CFAP206: variants seen among roughly 807,000 people sequenced by gnomAD.
CFAP206 encodes the protein cilia and flagella associated protein 206, also known as cilia- and flagella-associated protein 206.
In CFAP206, 53 loss-of-function variants were observed where a neutral mutation model predicts 65.4. The observed-to-expected ratio is 0.81, with a 90% CI of 0.65 to 1.02. CFAP206 has a LOEUF of 1.02. Ranked by LOEUF, CFAP206 falls within the 50% of genes least tolerant of loss-of-function variation. The pLI is 0.00. For missense variants in CFAP206, 663 were observed against 753.2 expected, an observed-to-expected ratio of 0.88 and a Z score of 1.40; for synonymous variants, 250 against 254.4, an observed-to-expected ratio of 0.98 and a Z score of 0.17.
intron 7 of CFAP206, 138 bp downstream of exon 7, chr6:87,418,554 G>A: frequency 1.5e-6 from 1 of 666,116 alleles, no homozygotes; most frequent in Non-Finnish European, 2.6e-6. Context: ...GGTAGAGTTA[G>A]GAATCAAAAT....
intron 12 of CFAP206, 149 bp downstream of exon 12, chr6:87,461,314 A>G: frequency 2.0e-6 from 1 of 507,366 alleles, no homozygotes; most frequent in East Asian, 3.6e-5. Flanking sequence ...ATAACTTGCT[A>G]GGTTTACATT....
At chr6:87,462,729 A>T (rs1768767715) in intron 12 of CFAP206, among the ~76,000 whole-genome samples, 1 of 152,136 alleles carries the variant, frequency 6.6e-6, no homozygotes, top group Non-Finnish European at 1.5e-5. Flanking sequence ...AGAATGGGGT[A>T]TTCAGGGGTC....
chr6:87,433,807 G>A (rs1768202961), intron 10 of CFAP206, among the ~76,000 whole-genome samples: 1 of 152,074 alleles, frequency 6.6e-6, no homozygotes, highest in Non-Finnish European at 1.5e-5. Flanking sequence ...TGTTAAAAAT[G>A]GAGTGGAAGG....
chr6:87,443,847 C>T (rs1307106945), intron 11 of CFAP206, among the ~76,000 whole-genome samples: 1 of 152,078 alleles, frequency 6.6e-6, no homozygotes, highest in African/African-American at 2.4e-5. Flanking sequence ...CAGTGTTTAG[C>T]TCCTACTTAT....
At chr6:87,452,511 T>A (rs1029607468) in intron 11 of CFAP206, among the ~76,000 whole-genome samples, 1 of 151,876 alleles carries the variant, frequency 6.6e-6, no homozygotes, top group Non-Finnish European at 1.5e-5. Context: ...AATTCTGGAG[T>A]GACAGAGATA....
At position 87,416,449 on chromosome 6, in the gene CFAP206, T is replaced by G. The variant is rs113318218; in HGVS notation, c.473-220T>G. Among the ~76,000 whole-genome samples, 1,119 of 152,296 alleles carry G rather than the reference T, an allele frequency of 7.3e-3. 21 individuals carry two copies. Among genetic ancestry groups the G allele is most frequent in the African/African-American group, 0.026 (1,063 of 41,566 alleles). On this transcript the variant is annotated intron_variant, in intron 5 of 12. Coordinates refer to ENST00000369562, the MANE Select transcript of CFAP206 (RefSeq NM_001031743.3). ...CAAAAAGTTACTGCTGGATGCTTAA[T>G]TATTAAAAATGGACATGAGGCAATG...
intron 4 of CFAP206, among the ~76,000 whole-genome samples, chr6:87,415,006 T>C (rs1463961889): frequency 1.3e-5 from 2 of 152,132 alleles, no homozygotes; most frequent in Non-Finnish European, 2.9e-5. Flanking sequence ...TTATTGACCT[T>C]GTAATAGTAA....
intron 7 of CFAP206, among the ~76,000 whole-genome samples, chr6:87,425,530 G>A (rs1768024848): frequency 6.6e-6 from 1 of 152,074 alleles, no homozygotes; most frequent in Non-Finnish European, 1.5e-5. Flanking sequence ...GGAAATAAAT[G>A]GTTTACAAGG....
chr6:87,439,850 ACTCT>A (rs988549605), intron 11 of CFAP206, among the ~76,000 whole-genome samples: 6 of 151,808 alleles, frequency 4.0e-5, no homozygotes, highest in African/African-American at 1.2e-4. Context: ...TTAGTTTTGC[ACTCT>A]CTATTATGTT....
chr6:87,450,343 C>A (rs1473435862), intron 11 of CFAP206, among the ~76,000 whole-genome samples: 1 of 151,916 alleles, frequency 6.6e-6, no homozygotes, highest in Non-Finnish European at 1.5e-5. Context: ...TTTTCTATTT[C>A]TTGAAGAATG....
intron 2 of CFAP206, 132 bp from the exon 3 acceptor site, chr6:87,410,453 T>C: frequency 1.4e-6 from 1 of 727,030 alleles, no homozygotes; most frequent in East Asian, 2.7e-5. Context: ...AGAAGAATAG[T>C]TGGAAAACCA....
At chr6:87,457,187 A>G (rs1341868738) in intron 11 of CFAP206, among the ~76,000 whole-genome samples, 1 of 151,748 alleles carries the variant, frequency 6.6e-6, no homozygotes, top group Non-Finnish European at 1.5e-5. Context: ...TGAAGAGGAC[A>G]CAAAGCAACA....
At chr6:87,456,924 T>C (rs1482066961) in intron 11 of CFAP206, among the ~76,000 whole-genome samples, 2 of 151,982 alleles carry the variant, frequency 1.3e-5, no homozygotes, top group Non-Finnish European at 2.9e-5. Flanking sequence ...CTGAGGCAGA[T>C]GGATCACAAG....
rs139680692 is a variant in CFAP206 at position 87,459,260 on chromosome 6, G to A, written c.1495-1762G>A. 3.5e-3 allele frequency among the ~76,000 whole-genome samples: 538 copies of A among 152,090 alleles called. 3 individuals carry two copies. The highest frequency in any genetic ancestry group is 0.012 in the African/African-American group (496 of 41,484). ...TTTACTCTGAATTCAAAACTCTTCC[G>A]TTTTTTGTCTGTAAGATGAAATCCA... is the stretch of plus-strand genomic sequence containing the variant. On this transcript the variant is annotated intron_variant, in intron 11 of 12. Transcript: ENST00000369562.
At chr6:87,437,419 G>A (rs1260696926) in intron 11 of CFAP206, among the ~76,000 whole-genome samples, 1 of 151,352 alleles carries the variant, frequency 6.6e-6, no homozygotes, top group Non-Finnish European at 1.5e-5. Context: ...GTTGTTGATT[G>A]GCAGTTCCTT....
At chr6:87,427,881 T>G (rs1768076113) in intron 8 of CFAP206, among the ~76,000 whole-genome samples, 2 of 152,094 alleles carry the variant, frequency 1.3e-5, no homozygotes, top group Non-Finnish European at 2.9e-5. Context: ...TGATTTTTGG[T>G]ACTTATGAAG....
intron 11 of CFAP206, among the ~76,000 whole-genome samples, chr6:87,454,342 A>G (rs534506144): frequency 2.8e-4 from 43 of 152,226 alleles, no homozygotes; most frequent in Non-Finnish European, 5.1e-4. Flanking sequence ...ACAGAAAACC[A>G]GCAAAGAAAC....
intron 11 of CFAP206, among the ~76,000 whole-genome samples, chr6:87,450,668 G>T (rs6937823): frequency 6.5e-4 from 98 of 151,228 alleles, no homozygotes; most frequent in Non-Finnish European, 5.2e-4. Context: ...ATCATCCCCC[G>T]ACAGGAACAT....
chr6:87,419,687 C>A (rs1176621701), intron 7 of CFAP206, among the ~76,000 whole-genome samples: 1 of 152,210 alleles, frequency 6.6e-6, no homozygotes, highest in Admixed American at 6.5e-5. Context: ...TTCTTTTTAA[C>A]TTGCATTGTA....
Sources: allele counts gnomAD v4.1 joint callset (sites outside exome capture counted in the v4.1 genomes callset), GRCh38; gene constraint gnomAD v4.1.1; transcripts MANE v1.5; gene names NCBI Gene and HGNC (gene_info 2026-07-23, HGNC 2026-07-21).